The following SLK variants were observed in gnomAD, a reference collection of about 807,000 sequenced individuals.
SLK encodes the protein STE20 like kinase.
In SLK, 67 loss-of-function variants were observed where a neutral mutation model predicts 147.7. The ratio of observed to expected loss-of-function variants is 0.45; its 90% CI spans 0.37 to 0.56. The LOEUF (loss-of-function observed/expected upper bound fraction) is 0.56, where lower values mean the gene tolerates loss of function less well. Among genes scored for constraint, SLK ranks in the 20% least tolerant of loss-of-function variants. SLK has a pLI of 0.00. For missense variants in SLK, 1,136 were observed against 1,438.8 expected, an observed-to-expected ratio of 0.79 and a Z score of 3.41; for synonymous variants, 441 against 475.0, an observed-to-expected ratio of 0.93 and a Z score of 0.93.
At chr10:104,025,306 TTTTTACAGCAG>T in intron 18 of SLK, among the ~76,000 whole-genome samples, 1 of 152,302 alleles carries the variant, frequency 6.6e-6, no homozygotes, top group Middle Eastern at 3.4e-3. Flanking sequence ...ATTATCCCTA[TTTTTACAGCAG>T]AGGAATTGAG....
intron 13 of SLK, among the ~76,000 whole-genome samples, chr10:104,015,710 T>C (rs1844454292): frequency 6.6e-6 from 1 of 152,230 alleles, no homozygotes; most frequent in Admixed American, 6.5e-5. Flanking sequence ...AATTTAGACA[T>C]AAATACAGTA....
intron 1 of SLK, among the ~76,000 whole-genome samples, chr10:103,977,998 C>T (rs1258985653): frequency 1.3e-5 from 2 of 151,992 alleles, no homozygotes; most frequent in East Asian, 3.8e-4. Context: ...TCCATTTATC[C>T]ATTCATTATC....
intron 1 of SLK, among the ~76,000 whole-genome samples, chr10:103,980,107 C>G (rs577352698): frequency 1.3e-5 from 2 of 152,032 alleles, no homozygotes; most frequent in African/African-American, 4.8e-5. Context: ...CTTTAAAGAC[C>G]GTCCTTTTCT....
At chr10:103,992,957 A>AT (rs750231981) in intron 3 of SLK, 27 bp from the exon 4 acceptor site, 17,877 of 1,192,274 alleles carry the variant, frequency 0.015, 21 homozygotes, top group African/African-American at 0.032. Context: ...TAAAAAGCAG[A>AT]TTTTTTTTTT....
In SLK at chr10:103,999,850, T is replaced by TA; in HGVS notation, c.783-13dup. The TA allele has an allele frequency of 1.9e-6, 2 of 1,076,878 alleles. No homozygotes were observed. The highest frequency in any genetic ancestry group is 2.8e-5 in the South Asian group (2 of 70,558). 66.7% of individuals were successfully genotyped at this position (1,076,878 alleles called of 1,614,324 possible). On this transcript the variant is annotated splice_polypyrimidine_tract_variant and intron_variant, in intron 6 of 18. Transcript: ENST00000369755. ...ACAAGAAAGTAAAATAGAATGTTGT[T>TA]AAAATTTATTTTAAAGGTCTTCAAA...
chr10:103,977,287 C>A (rs1843884387), intron 1 of SLK, among the ~76,000 whole-genome samples: 1 of 152,114 alleles, frequency 6.6e-6, no homozygotes, highest in Non-Finnish European at 1.5e-5. Context: ...TGAACAAACT[C>A]TATTTTTGCT....
chr10:104,010,468 A>G (rs887815177), intron 12 of SLK, among the ~76,000 whole-genome samples: 3 of 152,194 alleles, frequency 2.0e-5, no homozygotes, highest in Non-Finnish European at 4.4e-5. Context: ...ATACGTTTAT[A>G]ATTTTATGAT....
At chr10:103,978,554 A>G (rs897300334) in intron 1 of SLK, among the ~76,000 whole-genome samples, 8 of 152,168 alleles carry the variant, frequency 5.3e-5, no homozygotes, top group Non-Finnish European at 8.8e-5. Context: ...CAGTGAATAT[A>G]TATTTTTTTT....
intron 1 of SLK, among the ~76,000 whole-genome samples, chr10:103,978,221 C>T (rs1349368356): frequency 1.3e-5 from 2 of 152,094 alleles, no homozygotes; most frequent in Non-Finnish European, 2.9e-5. Context: ...TTTCTGTTTT[C>T]TACCAGAAAG....
At chr10:104,023,075 G>A (rs1203054605) in intron 18 of SLK, among the ~76,000 whole-genome samples, 1 of 152,198 alleles carries the variant, frequency 6.6e-6, no homozygotes, top group Admixed American at 6.5e-5. Context: ...TGAACTAGTT[G>A]ACAGTGGTCA....
intron 1 of SLK, among the ~76,000 whole-genome samples, chr10:103,985,200 A>G (rs1477693955): frequency 6.6e-6 from 1 of 152,242 alleles, no homozygotes; most frequent in Non-Finnish European, 1.5e-5. Context: ...AGGAAAAAAC[A>G]TAGTATACAT....
chr10:103,972,432 G>A (rs1462898990), intron 1 of SLK, among the ~76,000 whole-genome samples: 2 of 152,212 alleles, frequency 1.3e-5, no homozygotes, highest in East Asian at 3.9e-4. Context: ...CAGCACTTTG[G>A]GAGGCCGAGG....
At chr10:103,973,845 C>T (rs1843825359) in intron 1 of SLK, among the ~76,000 whole-genome samples, 2 of 152,180 alleles carry the variant, frequency 1.3e-5, no homozygotes, top group South Asian at 2.1e-4. Context: ...ATTATAAGGT[C>T]ACAACTTAAT....
chr10:103,971,099 C>T (rs1564648391), intron 1 of SLK, among the ~76,000 whole-genome samples: 1 of 152,160 alleles, frequency 6.6e-6, no homozygotes, highest in South Asian at 2.1e-4. Flanking sequence ...ATTCCTTCCA[C>T]TCAGTCCAGC....
chr10:103,984,704 G>A (rs763192666), intron 1 of SLK, among the ~76,000 whole-genome samples: 7 of 152,122 alleles, frequency 4.6e-5, no homozygotes, highest in African/African-American at 4.8e-5. Flanking sequence ...ATGAGCCACC[G>A]CGCTCAGCCT....
intron 1 of SLK, among the ~76,000 whole-genome samples, chr10:103,968,916 G>T (rs1843755869): frequency 6.6e-6 from 1 of 152,052 alleles, no homozygotes; most frequent in Admixed American, 6.6e-5. Flanking sequence ...CCCATATTTA[G>T]TATTGTTTTT....
At chr10:104,013,731 G>A (rs1844427670) in intron 13 of SLK, among the ~76,000 whole-genome samples, 1 of 152,180 alleles carries the variant, frequency 6.6e-6, no homozygotes, top group Non-Finnish European at 1.5e-5. Context: ...GTGGGAGGAT[G>A]GCTTCTCCTG....
rs189220656 is a variant in SLK at position 103,976,344 on chromosome 10, G to T, written c.150+8449G>T. On this transcript the variant is annotated intron_variant, in intron 1 of 18. Transcript: ENST00000369755. ...TAGGTTATACATATCTTCCAAAGCG[G>T]TTGTACCAATTTACACTCCCATCAG... Among the ~76,000 whole-genome samples, 1,051 of 152,264 alleles carry T rather than the reference G, an allele frequency of 6.9e-3. 2 individuals are homozygous for T. Among genetic ancestry groups the T allele is most frequent in the Middle Eastern group, 0.014 (4 of 294 alleles).
chr10:103,992,589 TGCATGC>T lies in SLK; in HGVS notation c.316-8_316-3del. On this transcript the variant is annotated splice_polypyrimidine_tract_variant and splice_region_variant and intron_variant, in intron 2 of 18. Coordinates refer to ENST00000369755, the MANE Select transcript of SLK (RefSeq NM_014720.4). ...AGACACACGCTTTTTTTTTTTTTTT[TGCATGC>T]AGATCCTCATTGAATTTTGTGCAGG... The T allele has an allele frequency of 8.0e-7, 1 of 1,253,412 alleles. No homozygotes were observed. Among genetic ancestry groups the T allele is most frequent in the Admixed American group, 3.0e-5 (1 of 33,020 alleles). 77.6% of individuals were successfully genotyped at this position (1,253,412 alleles called of 1,614,324 possible).
Sources: gnomAD v4.1 joint callset for allele counts (sites outside exome capture counted in the v4.1 genomes callset) on GRCh38, gnomAD v4.1.1 for gene constraint, MANE v1.5 for transcripts, NCBI Gene and HGNC (gene_info 2026-07-23, HGNC 2026-07-21) for gene names.